The following HOXC12 variants were observed in gnomAD, a reference collection of about 807,000 sequenced individuals.
HOXC12 encodes homeobox C12.
Under a neutral mutation model 20.9 loss-of-function variants are expected in HOXC12, and 24 were observed. That is an observed-to-expected ratio of 1.15 (90% CI 0.83 to 1.61). HOXC12 has a LOEUF of 1.61. Among genes scored for constraint, HOXC12 ranks in the 40% most tolerant of loss-of-function variants. The probability of loss-of-function intolerance (pLI) is 0.00; values close to 1 mark genes in which losing one functional copy is unlikely to be tolerated. For missense variants in HOXC12, 436 were observed against 406.9 expected, an observed-to-expected ratio of 1.07 and a Z score of -0.62; for synonymous variants, 202 against 197.7, an observed-to-expected ratio of 1.02 and a Z score of -0.18.
rs146914178 is a variant in HOXC12, at chr12:53,956,486, C to A, written c.769C>A (p.Gln257Lys). ...AGACCGCTTGAATCTTAGTGACCAG[C>A]AGGTCAAGATCTGGTTTCAGAACCG... ...LSDRLNLSDQ[Q>K]VKIWFQNRRM... The change falls in exon 2 of 2, where the codon CAG (glutamine) becomes AAG (lysine). Residue 257 changes from glutamine to lysine, a missense_variant. Coordinates refer to ENST00000243103, the MANE Select transcript of HOXC12 (RefSeq NM_173860.3). 2 of 1,614,192 alleles carry A rather than the reference C, an allele frequency of 1.2e-6. No individual in the cohort carries two copies. The highest frequency in any genetic ancestry group is 1.7e-6 in the Non-Finnish European group (2 of 1,180,020).
At position 53,955,423 on chromosome 12, in the gene HOXC12, C is replaced by T. The variant is rs1938846526; in HGVS notation, c.494C>T (p.Ser165Leu). 1 of 1,511,752 alleles carries T rather than the reference C, an allele frequency of 6.6e-7. No homozygotes were observed. The highest frequency in any genetic ancestry group is 8.8e-7 in the Non-Finnish European group (1 of 1,136,950). The allele number at this position is 1,511,752 out of a possible 1,614,324, so 93.6% of individuals were successfully genotyped here. A position where few individuals can be genotyped will look rare whatever the true frequency, so the allele number is the denominator to read the frequency against. ...CCGCACGACCCGCCCTCCTGCCAGT[C>T]GCTGGAATCCGACTCCAGTTCGTCC... The part of the protein sequence containing the change: ...GPPHDPPSCQ[S>L]LESDSSSSLL... Residue 165 changes from serine to leucine, a missense_variant, in exon 1 of 2, where the codon TCG becomes TTG. Transcript: ENST00000243103.
rs1399598872 is a variant in HOXC12, at chr12:53,955,225, G to A, written c.296G>A (p.Cys99Tyr). Residue 99 changes from cysteine (C) to tyrosine (Y), a missense_variant, in exon 1 of 2, where the codon TGC becomes TAC. Transcript: ENST00000243103. ...GGCAAGGGTTACTACCGCGAGCCGT[G>A]CGCCGAGGGTGGCGGCGGGGGCCTG... ...EDGKGYYREP[C>Y]AEGGGGGLKR... 6.9e-6 allele frequency: 11 copies of A among 1,597,952 alleles called. No homozygotes were observed. The highest frequency in any genetic ancestry group is 9.4e-6 in the Non-Finnish European group (11 of 1,172,194).
In HOXC12 at chr12:53,955,551, G is replaced by A. The variant is rs1301740881; in HGVS notation, c.610+12G>A. 2 of 1,407,704 alleles carry A rather than the reference G, an allele frequency of 1.4e-6. No homozygotes were observed. The highest frequency in any genetic ancestry group is 1.5e-5 in the African/African-American group (1 of 66,958). 87.2% of individuals were successfully genotyped at this position (1,407,704 alleles called of 1,614,324 possible). On this transcript the variant is annotated intron_variant, in intron 1 of 1. Transcript: ENST00000243103. ...GCTCTCGGCCAGCGGTAAGGACCCC[G>A]GCCACTCAAGCGGCGGATTCAAACC...
chr12:53,955,393 G>A lies in HOXC12; in HGVS notation c.464G>A (p.Gly155Glu), dbSNP rs1938845129. Reference protein sequence around the residue: ...GGGGDGGGGAGPPHDPPSCQS... With the variant: ...GGGGDGGGGAEPPHDPPSCQS... ...GGTGGCGACGGCGGCGGCGGCGCAG[G>A]ACCTCCGCACGACCCGCCCTCCTGC... The change falls in exon 1 of 2, where the codon GGA becomes GAA. Residue 155 changes from glycine (G) to glutamate (E), a missense_variant. By Grantham distance (98) the Gly-to-Glu change is moderately conservative (BLOSUM62 -2). Transcript: ENST00000243103. 1.3e-6 allele frequency: 2 copies of A among 1,494,160 alleles called. No homozygotes were observed. 92.6% of individuals were successfully genotyped at this position (1,494,160 alleles called of 1,614,324 possible).
rs574957128 is a variant in HOXC12, at chr12:53,958,428, C to G, written c.*1862C>G. 6.6e-6 allele frequency: 1 copy of G among 152,432 alleles called. No individual in the cohort carries two copies. Among genetic ancestry groups the G allele is most frequent in the East Asian group, 1.9e-4 (1 of 5,182 alleles). 9.4% of individuals were successfully genotyped at this position (152,432 alleles called of 1,614,324 possible). A position where few individuals can be genotyped will look rare whatever the true frequency, so the allele number is the denominator to read the frequency against. ...GGGTATCTGACACCTGACAATTCCC[C>G]ATCCACACATACTTGCTTCACCCAT... is the stretch of plus-strand genomic sequence containing the variant. On this transcript the variant is annotated 3_prime_UTR_variant, in exon 2 of 2. Coordinates refer to ENST00000243103, the MANE Select transcript of HOXC12 (RefSeq NM_173860.3).
rs1184853493 is a variant in HOXC12 at position 53,956,276 on chromosome 12, A to G, written c.611-52A>G. On this transcript the variant is annotated intron_variant, in intron 1 of 1. Transcript: ENST00000243103. ...TCTGGGGAAGGGCCAAGGGCACTGGACTGGTCACCCTTTGATCCTTTGGCC... is the reference window on the plus strand; with the variant it reads ...TCTGGGGAAGGGCCAAGGGCACTGGGCTGGTCACCCTTTGATCCTTTGGCC... 2.7e-6 allele frequency: 4 copies of G among 1,457,010 alleles called. No individual in the cohort carries two copies. In the East Asian group the frequency reaches 6.9e-5, roughly 25 times the overall value. 90.3% of individuals were successfully genotyped at this position (1,457,010 alleles called of 1,614,324 possible).
Position 53,955,282 on chromosome 12 carries a change from C to T in HOXC12, c.353C>T (p.Ala118Val). Residue 118 changes from alanine (A) to valine (V), a missense_variant, in exon 1 of 2, where the codon GCC becomes GTC. By Grantham distance (64) the Ala-to-Val change is moderately conservative. Transcript: ENST00000243103. The part of the protein sequence containing the change: ...KREERGRDPG[A>V]GPGAALLPLE... ...GAGGAGCGCGGGCGCGACCCGGGAG[C>T]CGGGCCCGGGGCAGCGCTGCTCCCG... is the stretch of plus-strand genomic sequence containing the variant. 1 of 1,434,648 alleles carries T rather than the reference C, an allele frequency of 7.0e-7. No individual in the cohort carries two copies. Among genetic ancestry groups the T allele is most frequent in the Admixed American group, 2.8e-5 (1 of 36,214 alleles). 88.9% of individuals were successfully genotyped at this position (1,434,648 alleles called of 1,614,324 possible). A position where few individuals can be genotyped will look rare whatever the true frequency, so the allele number is the denominator to read the frequency against.
chr12:53,956,382 C>A lies in HOXC12; in HGVS notation c.665C>A (p.Ser222Ter), dbSNP rs1230197054. The A allele has an allele frequency of 3.1e-6, 5 of 1,611,908 alleles. No individual in the cohort carries two copies. Among genetic ancestry groups the A allele is most frequent in the Non-Finnish European group, 4.2e-6 (5 of 1,179,244 alleles). Residue 222 changes from serine to a stop codon, truncating the protein, a stop_gained, in exon 2 of 2, where the codon TCG becomes TAG. Transcript: ENST00000243103. LOFTEE classifies it high-confidence loss of function. ...TCTCGGAAGAAGCGCAAGCCCTATTCGAAGTTGCAACTGGCAGAGCTGGAG... is the reference window on the plus strand; with the variant it reads ...TCTCGGAAGAAGCGCAAGCCCTATTAGAAGTTGCAACTGGCAGAGCTGGAG... The part of the protein sequence containing the change: ...SRSRKKRKPY[S>*]KLQLAELEGE...
Position 53,955,524 on chromosome 12 carries a change from G to C in HOXC12, c.595G>C (p.Gly199Arg). 1 of 1,465,444 alleles carries C rather than the reference G, an allele frequency of 6.8e-7. No individual in the cohort carries two copies. Among genetic ancestry groups the C allele is most frequent in the Non-Finnish European group, 9.0e-7 (1 of 1,113,034 alleles). 90.8% of individuals were successfully genotyped at this position (1,465,444 alleles called of 1,614,324 possible). A position where few individuals can be genotyped will look rare whatever the true frequency, so the allele number is the denominator to read the frequency against. The change falls in exon 1 of 2, where the codon GGG becomes CGG. Residue 199 changes from glycine (G) to arginine (R), a missense_variant. Coordinates refer to ENST00000243103, the MANE Select transcript of HOXC12 (RefSeq NM_173860.3). ...GGTATCGCCGTTGAACCCCGGCGGC[G>C]GGCTCTCGGCCAGCGGTAAGGACCC... is the stretch of plus-strand genomic sequence containing the variant. ...SLVSPLNPGGGLSASGAPWYP... is the reference protein window; with the variant it reads ...SLVSPLNPGGRLSASGAPWYP...
chr12:53,955,184 G>A lies in HOXC12; in HGVS notation c.255G>A (p.Leu85=). ...CTCCCTTCGGCCGCACGTGCGAGCTGGCGCGCGTGGAGGACGGCAAGGGTT... is the reference window on the plus strand; with the variant it reads ...CTCCCTTCGGCCGCACGTGCGAGCTAGCGCGCGTGGAGGACGGCAAGGGTT... The part of the protein sequence containing the change: ...LNPPFGRTCE[L]ARVEDGKGYY... Residue 85 remains leucine (L), a synonymous_variant, in exon 1 of 2, where the codon CTG becomes CTA. Coordinates refer to ENST00000243103, the MANE Select transcript of HOXC12 (RefSeq NM_173860.3). The A allele has an allele frequency of 1.2e-6, 2 of 1,610,760 alleles. No homozygotes were observed. The highest frequency in any genetic ancestry group is 8.5e-7 in the Non-Finnish European group (1 of 1,179,052).
At position 53,958,255 on chromosome 12, in the gene HOXC12, A is replaced by C. The variant is rs893591439; in HGVS notation, c.*1689A>C. On this transcript the variant is annotated 3_prime_UTR_variant, in exon 2 of 2. Coordinates refer to ENST00000243103, the MANE Select transcript of HOXC12 (RefSeq NM_173860.3). Reference sequence around the variant, plus strand: ...CAGCACACAGCTTCTGTACAGGCAGAGGCAAAGGCAAACACATACACACAG... The same window carrying C: ...CAGCACACAGCTTCTGTACAGGCAGCGGCAAAGGCAAACACATACACACAG... 1 of 152,438 alleles carries C rather than the reference A, an allele frequency of 6.6e-6. No homozygotes were observed. Among genetic ancestry groups the C allele is most frequent in the Admixed American group, 6.5e-5 (1 of 15,286 alleles). 9.4% of individuals were successfully genotyped at this position (152,438 alleles called of 1,614,324 possible). A position where few individuals can be genotyped will look rare whatever the true frequency, so the allele number is the denominator to read the frequency against.
rs1938840047 is a variant in HOXC12 at position 53,955,279 on chromosome 12, G to C, written c.350G>C (p.Gly117Ala). ...LKREERGRDP[G>A]AGPGAALLPL... Reference sequence around the variant, plus strand: ...CGTGAGGAGCGCGGGCGCGACCCGGGAGCCGGGCCCGGGGCAGCGCTGCTC... The same window carrying C: ...CGTGAGGAGCGCGGGCGCGACCCGGCAGCCGGGCCCGGGGCAGCGCTGCTC... Residue 117 changes from glycine to alanine, a missense_variant, in exon 1 of 2, where the codon GGA (glycine) becomes GCA (alanine). Coordinates refer to ENST00000243103, the MANE Select transcript of HOXC12 (RefSeq NM_173860.3). 1 of 1,442,760 alleles carries C rather than the reference G, an allele frequency of 6.9e-7. No homozygotes were observed. The highest frequency in any genetic ancestry group is 9.1e-7 in the Non-Finnish European group (1 of 1,104,674). The allele number at this position is 1,442,760 out of a possible 1,614,324, so 89.4% of individuals were successfully genotyped here.
chr12:53,955,155 A>G lies in HOXC12; in HGVS notation c.226A>G (p.Asn76Asp). 6.2e-7 allele frequency: 1 copy of G among 1,611,002 alleles called. No individual in the cohort carries two copies. The highest frequency in any genetic ancestry group is 1.1e-5 in the South Asian group (1 of 90,670). Reference sequence around the variant, plus strand: ...CTACCTCGGCAGCCCAGTGTCTCTCAACCCTCCCTTCGGCCGCACGTGCGA... The same window carrying G: ...CTACCTCGGCAGCCCAGTGTCTCTCGACCCTCCCTTCGGCCGCACGTGCGA... ...QPYLGSPVSL[N>D]PPFGRTCELA... The change falls in exon 1 of 2, where the codon AAC becomes GAC. Residue 76 changes from asparagine to aspartate, a missense_variant. By Grantham distance (23) the Asn-to-Asp change is conservative. Transcript: ENST00000243103.
At chr12:53,956,301 C>T in intron 1 of HOXC12, 27 bp from the exon 2 acceptor site, 1 of 1,552,776 alleles carries the variant, frequency 6.4e-7, no homozygotes, top group Non-Finnish European at 8.7e-7. Flanking sequence ...ATCCTTTGGC[C>T]AACCCCTGCC....
chr12:53,958,227 C>T lies in HOXC12; in HGVS notation c.*1661C>T, dbSNP rs943501876. ...CAATCCACCGAGCTTTTTACTCTCC[C>T]ACCAGCACACAGCTTCTGTACAGGC... On this transcript the variant is annotated 3_prime_UTR_variant, in exon 2 of 2. Transcript: ENST00000243103. The T allele has an allele frequency of 2.0e-5, 3 of 152,402 alleles. No individual in the cohort carries two copies. Among genetic ancestry groups the T allele is most frequent in the Admixed American group, 1.3e-4 (2 of 15,286 alleles). 9.4% of individuals were successfully genotyped at this position (152,402 alleles called of 1,614,324 possible). A position where few individuals can be genotyped will look rare whatever the true frequency, so the allele number is the denominator to read the frequency against.
At position 53,956,531 on chromosome 12, in the gene HOXC12, C is replaced by T. The variant is rs199571419; in HGVS notation, c.814C>T (p.Leu272Phe). 6.2e-7 allele frequency: 1 copy of T among 1,613,856 alleles called. No individual in the cohort carries two copies. Among genetic ancestry groups the T allele is most frequent in the Middle Eastern group, 1.7e-4 (1 of 6,056 alleles). Residue 272 changes from leucine to phenylalanine, a missense_variant, in exon 2 of 2, where the codon CTT becomes TTT. Transcript: ENST00000243103. ...FQNRRMKKKRLLLREQALSFF is the reference protein window; with the variant it reads ...FQNRRMKKKRFLLREQALSFF ...GAACCGGAGAATGAAAAAGAAAAGA[C>T]TTCTGTTGAGGGAGCAAGCTCTCTC...
chr12:53,958,947 A>C lies in HOXC12; in HGVS notation c.*2381A>C, dbSNP rs1938911281. 1 of 152,202 alleles carries C rather than the reference A, an allele frequency of 6.6e-6. No individual in the cohort carries two copies. 9.4% of individuals were successfully genotyped at this position (152,202 alleles called of 1,614,324 possible). A position where few individuals can be genotyped will look rare whatever the true frequency, so the allele number is the denominator to read the frequency against. On this transcript the variant is annotated 3_prime_UTR_variant, in exon 2 of 2. Coordinates refer to ENST00000243103, the MANE Select transcript of HOXC12 (RefSeq NM_173860.3). ...ATTAATATTGATAATAATAATAATT[A>C]AAACATGAATTATGATTATGTGATT...
chr12:53,955,628 T>TGTGC (rs1375236646), intron 1 of HOXC12, 89 bp downstream of exon 1: 27 of 1,249,154 alleles, frequency 2.2e-5, no homozygotes, highest in Non-Finnish European at 2.7e-5. Flanking sequence ...ACGCCCAGGG[T>TGTGC]GACAGAATGT....
In HOXC12 at chr12:53,957,610, G is replaced by A. The variant is rs1051528392; in HGVS notation, c.*1044G>A. ...TGCCTCACGGGCCGGCCAGAGGGTG[G>A]ACCAGCGTAATTTACGAGGCGGGAG... On this transcript the variant is annotated 3_prime_UTR_variant, in exon 2 of 2. Coordinates refer to ENST00000243103, the MANE Select transcript of HOXC12 (RefSeq NM_173860.3). 6.6e-6 allele frequency: 1 copy of A among 152,222 alleles called. No homozygotes were observed. Among genetic ancestry groups the A allele is most frequent in the African/African-American group, 2.4e-5 (1 of 41,448 alleles). The allele number at this position is 152,222 out of a possible 1,614,324, so 9.4% of individuals were successfully genotyped here.
Sources: gnomAD v4.1 joint callset for allele counts on GRCh38, gnomAD v4.1.1 for gene constraint, MANE v1.5 for transcripts, NCBI Gene and HGNC (gene_info 2026-07-23, HGNC 2026-07-21) for gene names.